The following EPS15 variants were observed in gnomAD, a reference collection of about 807,000 sequenced individuals.
EPS15 encodes epidermal growth factor receptor substrate 15.
In EPS15, 72 loss-of-function variants were observed where a neutral mutation model predicts 113.8. The ratio of observed to expected loss-of-function variants is 0.63; its 90% CI spans 0.52 to 0.77. The LOEUF is 0.77. Ranked by LOEUF, EPS15 falls within the 30% of genes least tolerant of loss-of-function variation. EPS15 has a pLI of 0.00. For synonymous variants in EPS15, 344 were observed against 363.4 expected (o/e 0.95, Z 0.61); for missense variants, 1,048 against 1,045.8 (o/e 1.00, Z -0.03).
chr1:51,501,376 C>A (rs1411119536), intron 1 of EPS15, among the ~76,000 whole-genome samples: 1 of 152,024 alleles, frequency 6.6e-6, no homozygotes, highest in African/African-American at 2.4e-5. Flanking sequence ...CCATTGTCAG[C>A]CTGGGTAACA....
At chr1:51,432,612 A>C (rs553231106) in intron 12 of EPS15, among the ~76,000 whole-genome samples, 1 of 152,282 alleles carries the variant, frequency 6.6e-6, no homozygotes, top group East Asian at 1.9e-4. Context: ...AAATCTTTGA[A>C]ATCCAGTATA....
At chr1:51,400,889 G>C (rs1648478921) in intron 19 of EPS15, 29 bp downstream of exon 19, 1 of 1,490,830 alleles carries the variant, frequency 6.7e-7, no homozygotes, top group East Asian at 2.4e-5. Flanking sequence ...ATGAATGAAA[G>C]CTAAGATGAA....
intron 1 of EPS15, among the ~76,000 whole-genome samples, chr1:51,518,705 G>A (rs1002655454): frequency 1.3e-5 from 2 of 152,154 alleles, no homozygotes; most frequent in African/African-American, 4.8e-5. Flanking sequence ...TGGGGGGCCT[G>A]CGCGTCCGGC....
intron 12 of EPS15, among the ~76,000 whole-genome samples, chr1:51,428,860 G>C (rs1043748852): frequency 7.4e-5 from 11 of 149,540 alleles, no homozygotes; most frequent in Non-Finnish European, 1.5e-4. Flanking sequence ...GTGAGGGTAA[G>C]GCAGAGGAGA....
Position 51,491,959 on chromosome 1 carries a change from G to A in EPS15, c.34-10645C>T, listed in dbSNP as rs113623976. Among the ~76,000 whole-genome samples the A allele has an allele frequency of 4.8e-3, 716 of 148,824 alleles. 6 individuals carry two copies. The highest frequency in any genetic ancestry group is 0.017 in the African/African-American group (660 of 39,872). On this transcript the variant is annotated intron_variant, in intron 1 of 24. Transcript: ENST00000371733. ...TCCACTCACCGCAGCCTCCACCTCCGGGGCTCAAGTGATTCTTCCCTCAGC... is the reference window on the plus strand; with the variant it reads ...TCCACTCACCGCAGCCTCCACCTCCAGGGCTCAAGTGATTCTTCCCTCAGC...
intron 1 of EPS15, among the ~76,000 whole-genome samples, chr1:51,482,714 T>C (rs991598020): frequency 6.6e-6 from 1 of 152,072 alleles, no homozygotes; most frequent in Non-Finnish European, 1.5e-5. Flanking sequence ...GATCCACCCG[T>C]TGTGGCTTCC....
At chr1:51,373,480 T>G (rs1049174854) in intron 21 of EPS15, among the ~76,000 whole-genome samples, 1 of 152,240 alleles carries the variant, frequency 6.6e-6, no homozygotes, top group South Asian at 2.1e-4. Flanking sequence ...CTCCTCATTC[T>G]TCTATTTATA....
chr1:51,390,884 A>T (rs1233709744), intron 21 of EPS15, among the ~76,000 whole-genome samples: 1 of 152,236 alleles, frequency 6.6e-6, no homozygotes, highest in Non-Finnish European at 1.5e-5. Flanking sequence ...CAACTAGTTC[A>T]ACCATGTGGA....
intron 4 of EPS15, 112 bp from the exon 5 acceptor site, chr1:51,468,680 C>G: frequency 3.0e-6 from 2 of 677,332 alleles, no homozygotes; most frequent in Non-Finnish European, 5.1e-6. Flanking sequence ...CTACAGAGGT[C>G]TTATGTAGCA....
chr1:51,425,847 A>G (rs1220005133), intron 12 of EPS15, among the ~76,000 whole-genome samples: 2 of 152,236 alleles, frequency 1.3e-5, no homozygotes, highest in Non-Finnish European at 2.9e-5. Flanking sequence ...AAATATTAAC[A>G]TTACTTAGAA....
At chr1:51,370,531 GATA>G (rs1434901189) in intron 21 of EPS15, among the ~76,000 whole-genome samples, 2 of 151,550 alleles carry the variant, frequency 1.3e-5, no homozygotes, top group African/African-American at 4.9e-5. Flanking sequence ...ACCCGTATTT[GATA>G]ATAATAATAA....
chr1:51,431,017 CACACACACACAA>C lies in EPS15; in HGVS notation c.1041-9171_1041-9160del, dbSNP rs1168960892. The stretch of plus-strand genomic sequence containing the variant: ...ACACACACACACACACACACACACA[CACACACACACAA>C]AAATAAAACTTGCCTTAATTATATA... On this transcript the variant is annotated intron_variant, in intron 12 of 24. Coordinates refer to ENST00000371733, the MANE Select transcript of EPS15 (RefSeq NM_001981.3). Among the ~76,000 whole-genome samples, 474 of 136,152 alleles carry C rather than the reference CACACACACACAA, an allele frequency of 3.5e-3. 5 individuals carry two copies. The highest frequency in any genetic ancestry group is 0.012 in the African/African-American group (430 of 36,438). The allele number at this position is 136,152 out of a possible 152,430, so 89.3% of individuals were successfully genotyped here.
intron 2 of EPS15, 134 bp downstream of exon 2, chr1:51,481,139 G>A: frequency 1.5e-6 from 1 of 663,558 alleles, no homozygotes; most frequent in South Asian, 1.7e-5. Flanking sequence ...ACTCAAAGTG[G>A]AGGCTGTAAA....
chr1:51,387,134 C>T (rs1349874996), intron 21 of EPS15, among the ~76,000 whole-genome samples: 6 of 152,242 alleles, frequency 3.9e-5, no homozygotes, highest in East Asian at 3.9e-4. Flanking sequence ...GCAGAAACTC[C>T]ACAAGCCAGA....
intron 20 of EPS15, among the ~76,000 whole-genome samples, chr1:51,398,103 G>C (rs1648145001): frequency 1.3e-5 from 2 of 151,540 alleles, no homozygotes; most frequent in Non-Finnish European, 2.9e-5. Context: ...ACCCAGGCTG[G>C]AGTGCAGTGG....
chr1:51,381,028 A>G (rs899796521), intron 21 of EPS15, among the ~76,000 whole-genome samples: 1 of 152,224 alleles, frequency 6.6e-6, no homozygotes, highest in African/African-American at 2.4e-5. Context: ...TGCTTCTTCA[A>G]TATATACATT....
chr1:51,365,993 G>A lies in EPS15; in HGVS notation c.2156C>T (p.Ser719Leu), dbSNP rs1281792645. 3.7e-6 allele frequency: 6 copies of A among 1,612,850 alleles called. No homozygotes were observed. In the African/African-American group the frequency reaches 5.3e-5, roughly 14 times the overall value. Residue 719 changes from serine (S) to leucine (L), a missense_variant, in exon 22 of 25, where the codon TCA (serine) becomes TTA (leucine). Coordinates refer to ENST00000371733, the MANE Select transcript of EPS15 (RefSeq NM_001981.3). ...DPFASVFGNE[S>L]FGGGFADFST... ...GAAGTCAGCAAATCCACCTCCAAAT[G>A]ATTCATTCCCAAAAACAGAAGCAAA...
intron 1 of EPS15, among the ~76,000 whole-genome samples, chr1:51,508,233 GA>G (rs748182551): frequency 7.2e-5 from 5 of 69,222 alleles, no homozygotes; most frequent in African/African-American, 2.2e-4. Context: ...GAAAAGAAAA[GA>G]AAAGAAAGAG....
At chr1:51,440,700 T>TTGTCA (rs1306876717) in intron 11 of EPS15, among the ~76,000 whole-genome samples, 1 of 152,004 alleles carries the variant, frequency 6.6e-6, no homozygotes, top group African/African-American at 2.4e-5. Context: ...CCGAATGTCT[T>TTGTCA]TGTCACTTGA....
Sources: gnomAD v4.1 joint callset for allele counts (sites outside exome capture counted in the v4.1 genomes callset) on GRCh38, gnomAD v4.1.1 for gene constraint, MANE v1.5 for transcripts, NCBI Gene and HGNC (gene_info 2026-07-23, HGNC 2026-07-21) for gene names.